Variants in KRT72 observed in about 807,000 individuals in gnomAD.
KRT72 encodes the protein keratin, type II cytoskeletal 72.
A neutral mutation model predicts 44.7 loss-of-function variants in KRT72; 44 were observed. The ratio of observed to expected loss-of-function variants is 0.98; its 90% CI spans 0.77 to 1.27. KRT72 has a LOEUF of 1.27. KRT72 is among the 50% of genes most tolerant of loss of function. The pLI, the probability that KRT72 is intolerant of heterozygous loss-of-function variation, is 0.00. For synonymous variants in KRT72, 302 were observed against 280.4 expected (o/e 1.08, Z -0.77); for missense variants, 736 against 667.1 (o/e 1.10, Z -1.14).
chr12:52,598,344 G>T (rs780984381), intron 2 of KRT72, among the ~76,000 whole-genome samples: 2 of 152,162 alleles, frequency 1.3e-5, no homozygotes, highest in Non-Finnish European at 2.9e-5. Context: ...CCTGGCATCT[G>T]GAAGCAAACT....
At chr12:52,591,649 G>A (rs1209493999) in intron 4 of KRT72, 21 bp from the exon 5 acceptor site, 1 of 1,594,372 alleles carries the variant, frequency 6.3e-7, no homozygotes, top group East Asian at 2.2e-5. Flanking sequence ...TTGGGGGAGG[G>A]GAGCTAGTTA....
chr12:52,590,537 C>T (rs976947651), intron 6 of KRT72, among the ~76,000 whole-genome samples: 3 of 152,180 alleles, frequency 2.0e-5, no homozygotes, highest in African/African-American at 4.8e-5. Context: ...CACATCACTA[C>T]CTAGGCCCAT....
chr12:52,591,382 G>T, intron 5 of KRT72, 82 bp downstream of exon 5: 1 of 1,223,152 alleles, frequency 8.2e-7, no homozygotes, highest in Non-Finnish European at 1.1e-6. Context: ...ACAAACACAC[G>T]CACACACACG....
chr12:52,600,269 G>C (rs1940375330), intron 1 of KRT72, among the ~76,000 whole-genome samples: 1 of 152,094 alleles, frequency 6.6e-6, no homozygotes, highest in Non-Finnish European at 1.5e-5. Flanking sequence ...CAAGCACCAT[G>C]TCCTGCAACG....
chr12:52,589,733 G>A (rs1939923434), intron 6 of KRT72, among the ~76,000 whole-genome samples: 1 of 152,174 alleles, frequency 6.6e-6, no homozygotes, highest in African/African-American at 2.4e-5. Context: ...ACTCAGCATT[G>A]CGAGGGATCC....
rs1940018313 is a variant in KRT72 at position 52,591,477 on chromosome 12, A to G, written c.950T>C (p.Leu317Pro). Residue 317 changes from leucine (L) to proline (P), a missense_variant, in exon 5 of 9, where the codon CTG becomes CCG. Leu to Pro is a moderately conservative substitution (Grantham distance 98, BLOSUM62 -3). Transcript: ENST00000293745. ...GCACCAGCTCACCTTGGTCTGGTAC[A>G]GGGTCTCAGCCTCGGCCTTGCTCTT... ...ALKSKAEAET[L>P]YQTKIQELQV... 6.2e-7 allele frequency: 1 copy of G among 1,613,754 alleles called. No individual in the cohort carries two copies. The highest frequency in any genetic ancestry group is 8.5e-7 in the Non-Finnish European group (1 of 1,179,760).
Position 52,586,953 on chromosome 12 carries a change from C to T in KRT72, c.1338G>A (p.Val446=), listed in dbSNP as rs1030288517. 15 of 1,613,882 alleles carry T rather than the reference C, an allele frequency of 9.3e-6. No homozygotes were observed. In the Middle Eastern group the frequency reaches 6.6e-4, roughly 71 times the overall value. Residue 446 remains valine, a synonymous_variant, in exon 8 of 9, where the codon GTG becomes GTA. Coordinates refer to ENST00000293745, the MANE Select transcript of KRT72 (RefSeq NM_080747.3). ...AGATCTGCAGATACTTACAGATGCT[C>T]ACAGAATTTGGATATTCGCCAGACA... ...CRMSGEYPNS[V]SISVISSTNA...
chr12:52,595,811 C>T (rs1020541975), intron 2 of KRT72, among the ~76,000 whole-genome samples: 3 of 152,166 alleles, frequency 2.0e-5, no homozygotes, highest in Non-Finnish European at 4.4e-5. Context: ...TAAGCATGGC[C>T]ATTTGATCAG....
Position 52,598,878 on chromosome 12 carries a change from A to G in KRT72, c.641+20T>C. On this transcript the variant is annotated intron_variant, in intron 2 of 8. Transcript: ENST00000293745. ...TTGAAATCAGATCCTCCAGGGCCATATTCCCTGCCACTCACTCACCTCTTC... is the reference window on the plus strand; with the variant it reads ...TTGAAATCAGATCCTCCAGGGCCATGTTCCCTGCCACTCACTCACCTCTTC... 6.2e-7 allele frequency: 1 copy of G among 1,610,064 alleles called. No individual in the cohort carries two copies. The highest frequency in any genetic ancestry group is 1.7e-4 in the Middle Eastern group (1 of 6,054).
At chr12:52,596,949 T>C (rs1487255673) in intron 2 of KRT72, among the ~76,000 whole-genome samples, 1 of 152,150 alleles carries the variant, frequency 6.6e-6, no homozygotes, top group Admixed American at 6.6e-5. Flanking sequence ...GAAAGTGGGA[T>C]GAAAATTGGA....
At chr12:52,601,827 C>T (rs900034990), upstream of KRT72, among the ~76,000 whole-genome samples, 5 of 152,198 alleles carry the variant, frequency 3.3e-5, no homozygotes, top group African/African-American at 1.2e-4. Context: ...GGGGCTGACC[C>T]TCTGGGTGTG....
At chr12:52,592,693 G>C (rs958777212) in intron 3 of KRT72, among the ~76,000 whole-genome samples, 199 bp downstream of exon 3, 12 of 152,196 alleles carry the variant, frequency 7.9e-5, no homozygotes, top group African/African-American at 2.7e-4. Flanking sequence ...AAAATGCCCA[G>C]ATTTTAGACT....
Position 52,591,592 on chromosome 12 carries a change from A to G in KRT72, c.835T>C (p.Ser279Pro). 1 of 1,613,718 alleles carries G rather than the reference A, an allele frequency of 6.2e-7. No individual in the cohort carries two copies. The highest frequency in any genetic ancestry group is 8.5e-7 in the Non-Finnish European group (1 of 1,179,690). The change falls in exon 5 of 9, where the codon TCC becomes CCC. Residue 279 changes from serine (S) to proline (P), a missense_variant. Transcript: ENST00000293745. ...TQIQSHISDT[S>P]IVLSMDNNRD... ...TTGTTGTCCATTGACAGGACGATGG[A>G]CGTGTCGCTGATGTGGGACTGGATC...
chr12:52,599,006 C>A lies in KRT72; in HGVS notation c.533G>T (p.Gly178Val), dbSNP rs1592233444. 1 of 1,614,028 alleles carries A rather than the reference C, an allele frequency of 6.2e-7. No individual in the cohort carries two copies. The highest frequency in any genetic ancestry group is 2.2e-5 in the East Asian group (1 of 44,880). ...CRKNLEPIYE[G>V]YISNLQKQLE... ...CTGCTTCTGCAGGTTGCTGATGTAG[C>A]CCTCATAAATGGGCTCCAGGTTCTT... is the stretch of plus-strand genomic sequence containing the variant. The change falls in exon 2 of 9, where the codon GGC (glycine) becomes GTC (valine). Residue 178 changes from glycine (G) to valine (V), a missense_variant. Physicochemically the swap from Gly to Val is moderately radical, Grantham distance 109. Transcript: ENST00000293745.
chr12:52,595,120 C>T (rs550922421), intron 2 of KRT72, among the ~76,000 whole-genome samples: 27 of 152,092 alleles, frequency 1.8e-4, no homozygotes, highest in Admixed American at 1.6e-3. Context: ...AAACTTTTGA[C>T]CAAGTGGGCT....
At chr12:52,591,384 A>G (rs1372856719) in intron 5 of KRT72, 80 bp downstream of exon 5, 39 of 1,431,746 alleles carry the variant, frequency 2.7e-5, no homozygotes, top group Non-Finnish European at 3.6e-5. Context: ...AAACACACGC[A>G]CACACACGTA....
intron 2 of KRT72, among the ~76,000 whole-genome samples, chr12:52,594,142 G>A (rs959773881): frequency 4.6e-5 from 7 of 151,990 alleles, no homozygotes; most frequent in South Asian, 2.1e-4. Context: ...TCAGCTCTTC[G>A]CTCATTCCTA....
In KRT72 at chr12:52,586,969, T is replaced by G; in HGVS notation, c.1322A>C (p.Glu441Ala). 6.2e-7 allele frequency: 1 copy of G among 1,614,008 alleles called. No homozygotes were observed. Among genetic ancestry groups the G allele is most frequent in the Non-Finnish European group, 8.5e-7 (1 of 1,179,884 alleles). ...ACAGATGCTCACAGAATTTGGATAT[T>G]CGCCAGACATCCTGAAGAAGGAGAA... ...LESEECRMSG[E>A]YPNSVSISVI... The change falls in exon 8 of 9, where the codon GAA becomes GCA. Residue 441 changes from glutamate to alanine, a missense_variant. Coordinates refer to ENST00000293745, the MANE Select transcript of KRT72 (RefSeq NM_080747.3).
At chr12:52,594,615 G>A (rs1940173232) in intron 2 of KRT72, among the ~76,000 whole-genome samples, 1 of 148,572 alleles carries the variant, frequency 6.7e-6, no homozygotes, top group Admixed American at 6.7e-5. Flanking sequence ...TTGTGGGGTG[G>A]GGGGAGGGAT....
Sources: gnomAD v4.1 joint callset for allele counts (sites outside exome capture counted in the v4.1 genomes callset) on GRCh38, gnomAD v4.1.1 for gene constraint, MANE v1.5 for transcripts, NCBI Gene and HGNC (gene_info 2026-07-23, HGNC 2026-07-21) for gene names.